GPATCH2: variants seen among roughly 807,000 people sequenced by gnomAD.
GPATCH2 encodes the protein G-patch domain containing 2, also known as G patch domain-containing protein 2.
In GPATCH2, 51 loss-of-function variants were observed where a neutral mutation model predicts 58.0. That is an observed-to-expected ratio of 0.88 (90% CI 0.70 to 1.11). The LOEUF (loss-of-function observed/expected upper bound fraction) is 1.11. Among genes scored for constraint, GPATCH2 ranks in the 50% most tolerant of loss-of-function variants. The pLI is 0.00. For missense variants in GPATCH2, 625 were observed against 652.2 expected, an observed-to-expected ratio of 0.96 and a Z score of 0.45; for synonymous variants, 222 against 218.5, an observed-to-expected ratio of 1.02 and a Z score of -0.14.
intron 8 of GPATCH2, among the ~76,000 whole-genome samples, chr1:217,485,996 G>A (rs1661436863): frequency 6.6e-6 from 1 of 152,124 alleles, no homozygotes; most frequent in South Asian, 2.1e-4. Context: ...TTTTCTTGTT[G>A]AAAGTTGTTT....
rs771881393 is a variant in GPATCH2 at position 217,498,363 on chromosome 1, T to G, written c.1199A>C (p.His400Pro). The G allele has an allele frequency of 3.1e-6, 5 of 1,612,476 alleles. No homozygotes were observed. Among genetic ancestry groups the G allele is most frequent in the East Asian group, 2.2e-5 (1 of 44,886 alleles). The change falls in exon 7 of 10, where the codon CAT (histidine) becomes CCT (proline). Residue 400 changes from histidine (H) to proline (P), a missense_variant. Coordinates refer to ENST00000366935, the MANE Select transcript of GPATCH2 (RefSeq NM_018040.5). Reference protein sequence around the residue: ...HWFSPGARTEHDQHQLLRDNR... With the variant: ...HWFSPGARTEPDQHQLLRDNR... ...GATTACAATGGTCCTTACCTGGTCATGCTCTGTCCTAGCCCCAGGGCTAAA... is the reference window on the plus strand; with the variant it reads ...GATTACAATGGTCCTTACCTGGTCAGGCTCTGTCCTAGCCCCAGGGCTAAA...
intron 8 of GPATCH2, among the ~76,000 whole-genome samples, chr1:217,491,121 G>A (rs1661708085): frequency 6.6e-6 from 1 of 152,128 alleles, no homozygotes; most frequent in South Asian, 2.1e-4. Context: ...AAGAAGGGTA[G>A]CCATTTTCAT....
intron 5 of GPATCH2, among the ~76,000 whole-genome samples, chr1:217,569,345 A>G (rs1666423785): frequency 6.6e-6 from 1 of 152,064 alleles, no homozygotes; most frequent in Non-Finnish European, 1.5e-5. Context: ...AAGCAAGCAG[A>G]GGGTGGGGTG....
intron 5 of GPATCH2, among the ~76,000 whole-genome samples, chr1:217,559,318 AC>A (rs927134151): frequency 1.1e-4 from 16 of 150,112 alleles, no homozygotes; most frequent in African/African-American, 3.9e-4. Context: ...TAAACATATC[AC>A]CCCCTGCAAA....
chr1:217,427,083 T>G lies in GPATCH2; in HGVS notation c.*4062A>C, dbSNP rs1658369934. 1 of 152,218 alleles carries G rather than the reference T, an allele frequency of 6.6e-6. No individual in the cohort carries two copies. The highest frequency in any genetic ancestry group is 1.9e-4 in the East Asian group (1 of 5,182). The allele number at this position is 152,218 out of a possible 1,614,324, so 9.4% of individuals were successfully genotyped here. A position where few individuals can be genotyped will look rare whatever the true frequency, so the allele number is the denominator to read the frequency against. On this transcript the variant is annotated 3_prime_UTR_variant, in exon 10 of 10. Coordinates refer to ENST00000366935, the MANE Select transcript of GPATCH2 (RefSeq NM_018040.5). Reference sequence around the variant, plus strand: ...CACTTCAATGCATATTACAAAACACTTAAAATGTCCAAGCAGCTTTATGAG... The same window carrying G: ...CACTTCAATGCATATTACAAAACACGTAAAATGTCCAAGCAGCTTTATGAG...
At chr1:217,603,406 C>T (rs955839527) in intron 5 of GPATCH2, among the ~76,000 whole-genome samples, 1 of 152,000 alleles carries the variant, frequency 6.6e-6, no homozygotes, top group African/African-American at 2.4e-5. Flanking sequence ...ATTAAATGAA[C>T]AAATATACTA....
At chr1:217,583,364 G>C (rs1188840475) in intron 5 of GPATCH2, among the ~76,000 whole-genome samples, 2 of 152,008 alleles carry the variant, frequency 1.3e-5, no homozygotes, top group Non-Finnish European at 2.9e-5. Context: ...GAGGTCAGGA[G>C]TTTGAGACCA....
At chr1:217,566,901 T>C (rs1222225884) in intron 5 of GPATCH2, among the ~76,000 whole-genome samples, 2 of 152,216 alleles carry the variant, frequency 1.3e-5, no homozygotes, top group African/African-American at 4.8e-5. Context: ...TTAAAACTAT[T>C]GTTTCAATGA....
Position 217,431,270 on chromosome 1 carries a change from G to T in GPATCH2, c.1462C>A (p.Arg488=). The T allele has an allele frequency of 6.2e-7, 1 of 1,604,206 alleles. No homozygotes were observed. The highest frequency in any genetic ancestry group is 1.1e-5 in the South Asian group (1 of 90,868). ...GGCTCAGAGATCCCCTTGCCATCTC[G>T]TCCAAGGCCTGACCCAGGCGTCCAG... ...MGWTPGSGLG[R]DGKGISEPIQ... is the part of the protein sequence containing the mutation. Residue 488 remains arginine (R), a synonymous_variant, in exon 10 of 10, where the codon CGA becomes AGA. Coordinates refer to ENST00000366935, the MANE Select transcript of GPATCH2 (RefSeq NM_018040.5).
At chr1:217,467,764 A>T (rs1024363467) in intron 8 of GPATCH2, among the ~76,000 whole-genome samples, 2 of 152,186 alleles carry the variant, frequency 1.3e-5, no homozygotes, top group East Asian at 3.8e-4. Context: ...TAACATCCAG[A>T]CTGTGGTTTC....
chr1:217,522,651 T>A (rs1473287808), intron 5 of GPATCH2, among the ~76,000 whole-genome samples: 1 of 152,200 alleles, frequency 6.6e-6, no homozygotes, highest in Non-Finnish European at 1.5e-5. Flanking sequence ...TAAGATGGTG[T>A]AAAAAACTTC....
chr1:217,570,623 A>G (rs1666489331), intron 5 of GPATCH2, among the ~76,000 whole-genome samples: 1 of 152,186 alleles, frequency 6.6e-6, no homozygotes, highest in African/African-American at 2.4e-5. Context: ...TAGCTATAAA[A>G]TTTCAAGACA....
At position 217,623,759 on chromosome 1, in the gene GPATCH2, T is replaced by C. The variant is rs539050811; in HGVS notation, c.57-3260A>G. On this transcript the variant is annotated intron_variant, in intron 1 of 9. Transcript: ENST00000366935. ...CCTACTAAGAATACAAAAATTAGGC[T>C]GGCGTGCTGGTGGGTGCCTGTAATC... Among the ~76,000 whole-genome samples, 49 of 151,820 alleles carry C rather than the reference T, an allele frequency of 3.2e-4. 1 individual carries two copies. The highest frequency in any genetic ancestry group is 1.0e-3 in the African/African-American group (42 of 41,424).
chr1:217,512,989 G>C lies in GPATCH2; in HGVS notation c.1166+1833C>G, dbSNP rs571279261. Among the ~76,000 whole-genome samples the C allele has an allele frequency of 2.0e-5, 3 of 152,128 alleles. No homozygotes were observed. In the East Asian group the frequency reaches 5.8e-4, roughly 29 times the overall value. On this transcript the variant is annotated intron_variant, in intron 6 of 9. Transcript: ENST00000366935. ...TCTCATTTCCTGAATGCGAACTTTT[G>C]TTGAAATAGCCTACCTTAGGCCAGG...
At chr1:217,622,651 C>T (rs1372541432) in intron 1 of GPATCH2, among the ~76,000 whole-genome samples, 1 of 152,210 alleles carries the variant, frequency 6.6e-6, no homozygotes, top group Non-Finnish European at 1.5e-5. Context: ...TCAAGTGATT[C>T]TCCTGCCTTA....
intron 8 of GPATCH2, among the ~76,000 whole-genome samples, chr1:217,450,372 G>A (rs1659604184): frequency 6.6e-6 from 1 of 151,926 alleles, no homozygotes; most frequent in Non-Finnish European, 1.5e-5. Flanking sequence ...AATTTATTCA[G>A]GTAAAATTCA....
At chr1:217,527,969 A>G (rs1664003794) in intron 5 of GPATCH2, among the ~76,000 whole-genome samples, 1 of 152,232 alleles carries the variant, frequency 6.6e-6, no homozygotes, top group Non-Finnish European at 1.5e-5. Context: ...GTTAAAAAAA[A>G]TCATTAAAGC....
intron 2 of GPATCH2, among the ~76,000 whole-genome samples, chr1:217,617,621 T>G (rs1363525598): frequency 6.6e-6 from 1 of 152,228 alleles, no homozygotes; most frequent in African/African-American, 2.4e-5. Context: ...AGGAAAGCTT[T>G]GGAAGTAGTC....
chr1:217,469,712 A>C (rs1660633533), intron 8 of GPATCH2, among the ~76,000 whole-genome samples: 1 of 152,126 alleles, frequency 6.6e-6, no homozygotes, highest in African/African-American at 2.4e-5. Context: ...TTTAGATTGC[A>C]GAATAATTCT....
Sources: gnomAD v4.1 joint callset for allele counts (sites outside exome capture counted in the v4.1 genomes callset) on GRCh38, gnomAD v4.1.1 for gene constraint, MANE v1.5 for transcripts, NCBI Gene and HGNC (gene_info 2026-07-23, HGNC 2026-07-21) for gene names.